ERC1: variants seen among roughly 807,000 people sequenced by gnomAD.
ERC1 encodes RAB6 interacting protein 2.
ERC1 carries 56 observed loss-of-function variants against 132.0 expected under a neutral mutation model. The observed-to-expected ratio is 0.42, with a 90% CI of 0.34 to 0.53. The LOEUF (loss-of-function observed/expected upper bound fraction) is 0.53. Among genes scored for constraint, ERC1 ranks in the 20% least tolerant of loss-of-function variants. The pLI, the probability that ERC1 is intolerant of heterozygous loss-of-function variation, is 0.03. For synonymous variants in ERC1, 478 were observed against 476.1 expected (o/e 1.00, Z -0.05); for missense variants, 1,202 against 1,349.9 (o/e 0.89, Z 1.72).
intron 8 of ERC1, among the ~76,000 whole-genome samples, chr12:1,163,991 G>A (rs1174467422): frequency 6.6e-6 from 1 of 152,172 alleles, no homozygotes; most frequent in South Asian, 2.1e-4. Flanking sequence ...GCTGGATTAC[G>A]GGCCTCAGCC....
intron 15 of ERC1, among the ~76,000 whole-genome samples, chr12:1,326,619 C>T (rs147762090): frequency 2.4e-4 from 37 of 152,272 alleles, no homozygotes; most frequent in African/African-American, 7.9e-4. Context: ...ATATTTTAGA[C>T]GTAGAGACAA....
chr12:1,487,949 T>G (rs530132879), intron 18 of ERC1, among the ~76,000 whole-genome samples: 5 of 151,422 alleles, frequency 3.3e-5, no homozygotes, highest in South Asian at 2.1e-4. Flanking sequence ...CCATTCTGGC[T>G]AACACGGTGA....
At chr12:1,205,176 C>T (rs925838392) in intron 12 of ERC1, among the ~76,000 whole-genome samples, 5 of 151,934 alleles carry the variant, frequency 3.3e-5, no homozygotes, top group African/African-American at 1.2e-4. Flanking sequence ...GTAACTTGCC[C>T]ATCTTCATTA....
intron 17 of ERC1, among the ~76,000 whole-genome samples, chr12:1,433,166 C>T (rs1000601222): frequency 5.3e-5 from 8 of 152,130 alleles, no homozygotes; most frequent in Admixed American, 2.6e-4. Context: ...TGCAGAGGAT[C>T]GCCTAAATTA....
At chr12:1,019,132 A>T (rs1002049077) in intron 1 of ERC1, among the ~76,000 whole-genome samples, 3 of 152,242 alleles carry the variant, frequency 2.0e-5, no homozygotes, top group East Asian at 1.9e-4. Context: ...ATTAAAAAAA[A>T]ATATTTTTTG....
chr12:1,022,241 C>A (rs958532967), intron 1 of ERC1, among the ~76,000 whole-genome samples: 1 of 152,084 alleles, frequency 6.6e-6, no homozygotes, highest in African/African-American at 2.4e-5. Context: ...ATATTGTGAT[C>A]CAGTATGCAC....
At chr12:1,092,354 T>TCC (rs1943358377) in intron 3 of ERC1, among the ~76,000 whole-genome samples, 1 of 151,980 alleles carries the variant, frequency 6.6e-6, no homozygotes, top group Non-Finnish European at 1.5e-5. Flanking sequence ...GAAATTGAGT[T>TCC]AAGTGTTAAC....
chr12:1,041,206 T>C (rs1020389163), intron 2 of ERC1, among the ~76,000 whole-genome samples: 8 of 127,602 alleles, frequency 6.3e-5, no homozygotes, highest in African/African-American at 2.0e-4. Context: ...CAAGTCTCTC[T>C]TTCTTTTTTT....
At chr12:1,480,967 A>G (rs2094078892) in intron 18 of ERC1, 4 of 700,520 alleles carry the variant, frequency 5.7e-6, no homozygotes, top group Non-Finnish European at 7.8e-6. Context: ...TCCCCAGTGG[A>G]TGCTGAAACT....
Position 1,447,439 on chromosome 12 carries a change from C to A in ERC1, c.3213+2689C>A, listed in dbSNP as rs1393826012. On this transcript the variant is annotated intron_variant, in intron 18 of 18. Transcript: ENST00000360905. Reference sequence around the variant, plus strand: ...GTTAAGGTGGGAGGATGGCTTGATCCCGGGCAGTCGTGGCTACAATGAGCT... The same window carrying A: ...GTTAAGGTGGGAGGATGGCTTGATCACGGGCAGTCGTGGCTACAATGAGCT... Among the ~76,000 whole-genome samples, 3 of 151,380 alleles carry A rather than the reference C, an allele frequency of 2.0e-5. No individual in the cohort carries two copies. In the South Asian group the frequency reaches 6.3e-4, roughly 32 times the overall value.
intron 17 of ERC1, chr12:1,443,494 C>G (rs760232733): frequency 1.3e-5 from 2 of 152,168 alleles, no homozygotes; most frequent in Non-Finnish European, 2.9e-5. Context: ...GTGTCCTGTT[C>G]ATGAAAATTG....
chr12:1,355,047 A>G (rs2085389895), intron 15 of ERC1, among the ~76,000 whole-genome samples: 1 of 152,156 alleles, frequency 6.6e-6, no homozygotes, highest in Admixed American at 6.5e-5. Flanking sequence ...ATGATCAGTT[A>G]AGTTTGGAAA....
At chr12:1,008,327 G>A (rs1029416717) in intron 1 of ERC1, among the ~76,000 whole-genome samples, 5 of 152,068 alleles carry the variant, frequency 3.3e-5, no homozygotes, top group Non-Finnish European at 7.4e-5. Context: ...ATTTTTAGTA[G>A]CCACATTAAA....
chr12:1,047,800 G>A (rs777716827), intron 2 of ERC1, among the ~76,000 whole-genome samples: 4 of 152,064 alleles, frequency 2.6e-5, no homozygotes, highest in African/African-American at 7.2e-5. Context: ...TGTCTAAAAC[G>A]GGTTTTAATG....
chr12:1,110,058 C>A, intron 4 of ERC1, 134 bp from the exon 5 acceptor site: 1 of 704,142 alleles, frequency 1.4e-6, no homozygotes, highest in Non-Finnish European at 2.3e-6. Context: ...GGAAGCAAGG[C>A]ACCAATTGCC....
chr12:1,478,511 C>T (rs964118212), intron 18 of ERC1, among the ~76,000 whole-genome samples: 3 of 152,156 alleles, frequency 2.0e-5, no homozygotes, highest in South Asian at 2.1e-4. Flanking sequence ...GACAGAAATC[C>T]GGCCGGGCGC....
At chr12:1,395,785 T>A (rs200640793) in intron 16 of ERC1, among the ~76,000 whole-genome samples, 126 of 75,606 alleles carry the variant, frequency 1.7e-3, no homozygotes, top group African/African-American at 5.4e-3. Context: ...CCAAAAAAAA[T>A]TTTTTTTATT....
At chr12:1,317,780 T>C (rs2081868749) in intron 15 of ERC1, among the ~76,000 whole-genome samples, 1 of 152,168 alleles carries the variant, frequency 6.6e-6, no homozygotes, top group African/African-American at 2.4e-5. Flanking sequence ...CTCGTCTAAA[T>C]GAAAAACCAG....
intron 2 of ERC1, among the ~76,000 whole-genome samples, chr12:1,066,885 GTTTA>G (rs1049332663): frequency 4.6e-5 from 7 of 150,760 alleles, no homozygotes; most frequent in African/African-American, 1.7e-4. Context: ...ACGAACTTAT[GTTTA>G]TTTGAGTTTG....
Sources: allele counts gnomAD v4.1 joint callset (sites outside exome capture counted in the v4.1 genomes callset), GRCh38; gene constraint gnomAD v4.1.1; transcripts MANE v1.5; gene names NCBI Gene and HGNC (gene_info 2026-07-23, HGNC 2026-07-21).